Variants in GNA12 observed in about 807,000 individuals in gnomAD.
GNA12 encodes G protein subunit alpha 12.
GNA12 carries 9 observed loss-of-function variants against 26.0 expected under a neutral mutation model. That is an observed-to-expected ratio of 0.35 (90% confidence interval 0.21 to 0.60). The LOEUF (loss-of-function observed/expected upper bound fraction) is 0.60. Among genes scored for constraint, GNA12 ranks in the 20% least tolerant of loss-of-function variants. The pLI is 0.78. For synonymous variants in GNA12, 264 were observed against 219.6 expected (o/e 1.20, Z -1.79); for missense variants, 405 against 525.8 (o/e 0.77, Z 2.25).
chr7:2,797,393 C>T (rs1192230946), intron 1 of GNA12, among the ~76,000 whole-genome samples: 1 of 151,986 alleles, frequency 6.6e-6, no homozygotes, highest in Admixed American at 6.5e-5. Flanking sequence ...ATCCTCTGGC[C>T]TTAGCCTTCC....
chr7:2,841,458 A>G (rs1326807092), intron 1 of GNA12, among the ~76,000 whole-genome samples: 1 of 152,356 alleles, frequency 6.6e-6, no homozygotes, highest in Admixed American at 6.5e-5. Context: ...CAGAGAAGTT[A>G]CAGGGCAGGC....
chr7:2,810,167 A>C (rs934524362), intron 1 of GNA12, among the ~76,000 whole-genome samples: 1 of 152,152 alleles, frequency 6.6e-6, no homozygotes, highest in Non-Finnish European at 1.5e-5. Context: ...AACAGCAGAG[A>C]TTTCTTTCTC....
At chr7:2,822,170 A>G (rs961372849) in intron 1 of GNA12, among the ~76,000 whole-genome samples, 1 of 152,170 alleles carries the variant, frequency 6.6e-6, no homozygotes. Context: ...CTAAACCTAC[A>G]AATTCTGAAG....
intron 2 of GNA12, among the ~76,000 whole-genome samples, chr7:2,747,074 C>T (rs1021900018): frequency 7.2e-5 from 11 of 152,130 alleles, no homozygotes; most frequent in African/African-American, 2.4e-4. Context: ...ATTCAACAGC[C>T]GAATTCTACC....
chr7:2,744,169 G>C (rs1373927375), intron 2 of GNA12, among the ~76,000 whole-genome samples: 4 of 152,222 alleles, frequency 2.6e-5, no homozygotes, highest in East Asian at 1.9e-4. Context: ...TTTGAAGAGA[G>C]TAGTGGTTCT....
At chr7:2,803,594 G>T (rs1354467042) in intron 1 of GNA12, among the ~76,000 whole-genome samples, 1 of 152,178 alleles carries the variant, frequency 6.6e-6, no homozygotes, top group Non-Finnish European at 1.5e-5. Flanking sequence ...AGGTCCACAG[G>T]AGGGGATGGC....
rs932853700 is a variant in GNA12, at chr7:2,761,107, G to A, written c.526-27606C>T. On this transcript the variant is annotated intron_variant, in intron 2 of 3. Transcript: ENST00000275364. The stretch of plus-strand genomic sequence containing the variant: ...ATAGAAAGCATTTCCTACACGTCTG[G>A]CTCTCGGCTGTGGGGCTCCTCTTAG... Among the ~76,000 whole-genome samples, 39 of 152,190 alleles carry A rather than the reference G, an allele frequency of 2.6e-4. 1 individual carries two copies. The highest frequency in any genetic ancestry group is 2.5e-3 in the Admixed American group (38 of 15,286).
intron 2 of GNA12, among the ~76,000 whole-genome samples, chr7:2,780,093 T>TATATGA (rs57390413): frequency 7.7e-6 from 1 of 130,136 alleles, no homozygotes; most frequent in African/African-American, 3.0e-5. Flanking sequence ...TATATATATA[T>TATATGA]GCCTGTTTTC....
At chr7:2,798,725 A>G (rs1480780414) in intron 1 of GNA12, among the ~76,000 whole-genome samples, 1 of 152,250 alleles carries the variant, frequency 6.6e-6, no homozygotes, top group Admixed American at 6.5e-5. Flanking sequence ...AGTGGGAACA[A>G]TCAGTCTATC....
chr7:2,766,637 C>T (rs182806515), intron 2 of GNA12, among the ~76,000 whole-genome samples: 88 of 152,304 alleles, frequency 5.8e-4, no homozygotes, highest in Non-Finnish European at 8.1e-4. Context: ...CCACCCACCT[C>T]GGTCTCCCAA....
chr7:2,770,906 C>T (rs191351056), intron 2 of GNA12, among the ~76,000 whole-genome samples: 1 of 152,320 alleles, frequency 6.6e-6, no homozygotes, highest in African/African-American at 2.4e-5. Flanking sequence ...ATCATCTAAA[C>T]GTGGACCTGG....
intron 1 of GNA12, among the ~76,000 whole-genome samples, chr7:2,807,379 TTCCAG>T (rs1170936545): frequency 6.6e-6 from 1 of 152,194 alleles, no homozygotes; most frequent in Non-Finnish European, 1.5e-5. Context: ...AGTCTCTTGT[TTCCAG>T]TAAGAAAACT....
intron 1 of GNA12, among the ~76,000 whole-genome samples, chr7:2,830,607 A>G (rs1450273288): frequency 6.6e-6 from 1 of 152,170 alleles, no homozygotes; most frequent in East Asian, 1.9e-4. Flanking sequence ...TCCCCGAGCA[A>G]AGGGGGATAA....
intron 1 of GNA12, among the ~76,000 whole-genome samples, chr7:2,797,743 GTT>G (rs1792712710): frequency 6.6e-6 from 1 of 152,160 alleles, no homozygotes; most frequent in Non-Finnish European, 1.5e-5. Flanking sequence ...GGACGGTCTG[GTT>G]AGAGATGCTC....
intron 1 of GNA12, among the ~76,000 whole-genome samples, chr7:2,838,565 T>C (rs940720653): frequency 5.3e-5 from 8 of 152,202 alleles, no homozygotes; most frequent in Non-Finnish European, 1.0e-4. Flanking sequence ...GCCTAGGCAA[T>C]AGCAAAAGAC....
chr7:2,754,819 G>C (rs1212707421), intron 2 of GNA12, among the ~76,000 whole-genome samples: 2 of 152,158 alleles, frequency 1.3e-5, no homozygotes. Flanking sequence ...CTCAAAATTT[G>C]ATTTCAACGG....
chr7:2,734,565 G>T (rs1226212851), intron 2 of GNA12, among the ~76,000 whole-genome samples: 1 of 152,234 alleles, frequency 6.6e-6, no homozygotes, highest in Non-Finnish European at 1.5e-5. Context: ...TCGTGGCGTT[G>T]TAAGGGATGG....
At chr7:2,820,652 C>T (rs1362165582) in intron 1 of GNA12, among the ~76,000 whole-genome samples, 1 of 152,248 alleles carries the variant, frequency 6.6e-6, no homozygotes, top group Non-Finnish European at 1.5e-5. Flanking sequence ...AGACCTGCCC[C>T]ACCGGCCAGT....
At chr7:2,790,745 G>A (rs748484046) in intron 2 of GNA12, among the ~76,000 whole-genome samples, 4 of 152,240 alleles carry the variant, frequency 2.6e-5, no homozygotes, top group Non-Finnish European at 5.9e-5. Flanking sequence ...AAGGCAGGAG[G>A]ATTGCTAGAG....
Sources: allele counts gnomAD v4.1 joint callset (sites outside exome capture counted in the v4.1 genomes callset), GRCh38; gene constraint gnomAD v4.1.1; transcripts MANE v1.5; gene names NCBI Gene and HGNC (gene_info 2026-07-23, HGNC 2026-07-21).